TENM2: variants seen among roughly 807,000 people sequenced by gnomAD.
TENM2 encodes teneurin transmembrane protein 2, also known as teneurin-2.
In TENM2, 52 loss-of-function variants were observed where a neutral mutation model predicts 245.2. That is an observed-to-expected ratio of 0.21 (90% CI 0.17 to 0.27). The LOEUF is 0.27. TENM2 is among the 10% of genes least tolerant of loss of function. TENM2 has a pLI of 1.00. For synonymous variants in TENM2, 1,363 were observed against 1,438.9 expected (o/e 0.95, Z 1.19); for missense variants, 3,046 against 3,666.8 (o/e 0.83, Z 4.37).
chr5:167,839,119 T>C (rs1276403316), intron 2 of TENM2, among the ~76,000 whole-genome samples: 3 of 152,244 alleles, frequency 2.0e-5, no homozygotes, highest in Non-Finnish European at 2.9e-5. Context: ...AAAAATCCTT[T>C]CGTTTAACAC....
chr5:167,278,618 G>T, the TENM2 span, among the ~76,000 whole-genome samples: 2 of 152,020 alleles, frequency 1.3e-5, no homozygotes, highest in African/African-American at 4.8e-5. Context: ...TGTAGTTGCT[G>T]CATTGTACAT....
the TENM2 span, among the ~76,000 whole-genome samples, chr5:167,091,491 T>C: frequency 2.0e-5 from 3 of 152,212 alleles, no homozygotes; most frequent in South Asian, 6.2e-4. Context: ...GGCATATATA[T>C]AGTCAGGTAC....
At chr5:168,007,452 G>C (rs1276557479) in intron 5 of TENM2, among the ~76,000 whole-genome samples, 2 of 152,176 alleles carry the variant, frequency 1.3e-5, no homozygotes, top group Non-Finnish European at 2.9e-5. Flanking sequence ...TCAAAGGAGT[G>C]AGATGTGTAT....
intron 9 of TENM2, among the ~76,000 whole-genome samples, chr5:168,098,685 T>C (rs1793562927): frequency 6.6e-6 from 1 of 152,168 alleles, no homozygotes. Flanking sequence ...GCTGCACACC[T>C]TGCTTGCAAA....
chr5:167,724,673 G>A (rs78581596), intron 2 of TENM2, among the ~76,000 whole-genome samples: 5 of 152,184 alleles, frequency 3.3e-5, no homozygotes, highest in African/African-American at 9.6e-5. Context: ...TGAGTTATCA[G>A]AGAAGACTTC....
the TENM2 span, among the ~76,000 whole-genome samples, chr5:167,059,313 A>G: frequency 6.6e-6 from 1 of 152,214 alleles, no homozygotes; most frequent in Non-Finnish European, 1.5e-5. Flanking sequence ...TTTGGAATTC[A>G]TAGTGCATTG....
At chr5:167,077,719 T>C in the TENM2 span, among the ~76,000 whole-genome samples, 2 of 152,228 alleles carry the variant, frequency 1.3e-5, no homozygotes, top group Non-Finnish European at 2.9e-5. Context: ...GGATTTTGGT[T>C]TACAAACCTT....
chr5:167,014,596 A>G, the TENM2 span, among the ~76,000 whole-genome samples: 1 of 152,226 alleles, frequency 6.6e-6, no homozygotes, highest in Non-Finnish European at 1.5e-5. Flanking sequence ...ACAATGTAAT[A>G]ACTAGCAGAA....
chr5:167,826,107 A>G (rs934681226), intron 2 of TENM2, among the ~76,000 whole-genome samples: 3 of 152,246 alleles, frequency 2.0e-5, no homozygotes, highest in African/African-American at 7.2e-5. Flanking sequence ...CAAACAAACT[A>G]GCAAACAAAA....
At chr5:167,246,975 A>G in the TENM2 span, among the ~76,000 whole-genome samples, 1 of 152,138 alleles carries the variant, frequency 6.6e-6, no homozygotes, top group African/African-American at 2.4e-5. Context: ...ACCAGGATGG[A>G]AAGTATTAAA....
chr5:167,840,937 G>A (rs571576313), intron 2 of TENM2, among the ~76,000 whole-genome samples: 1 of 152,098 alleles, frequency 6.6e-6, no homozygotes, highest in South Asian at 2.1e-4. Context: ...TGCTGACAGA[G>A]ACCTTGCAAC....
In TENM2 at chr5:167,934,984, G is replaced by C. The variant is rs577299429; in HGVS notation, c.713-17604G>C. 7.8e-6 allele frequency: 7 copies of C among 897,126 alleles called. 1 individual carries two copies. In the African/African-American group the frequency reaches 1.3e-4, roughly 16 times the overall value. 55.6% of individuals were successfully genotyped at this position (897,126 alleles called of 1,614,324 possible). On this transcript the variant is annotated intron_variant, in intron 3 of 28. Coordinates refer to ENST00000518659, the Ensembl canonical transcript of TENM2. ...GGAAGCAAAGAAAGGGGGTGGGAAAGAAAACAGTAGGTGTCATTTTAGTTG... is the reference window on the plus strand; with the variant it reads ...GGAAGCAAAGAAAGGGGGTGGGAAACAAAACAGTAGGTGTCATTTTAGTTG...
intron 5 of TENM2, among the ~76,000 whole-genome samples, chr5:168,038,766 T>C (rs751528848): frequency 6.6e-6 from 1 of 152,174 alleles, no homozygotes; most frequent in Non-Finnish European, 1.5e-5. Context: ...TCCTCCCTTA[T>C]ACCTGGTTCC....
chr5:167,646,601 C>T (rs770705744), intron 2 of TENM2, among the ~76,000 whole-genome samples: 6 of 151,778 alleles, frequency 4.0e-5, no homozygotes, highest in African/African-American at 7.3e-5. Context: ...GTTGGACAAA[C>T]GCTACGGGGC....
At chr5:167,192,777 G>A in the TENM2 span, among the ~76,000 whole-genome samples, 1 of 151,948 alleles carries the variant, frequency 6.6e-6, no homozygotes, top group African/African-American at 2.4e-5. Context: ...AGATGTAATA[G>A]GAAAAAAATG....
chr5:167,187,577 GT>G, the TENM2 span, among the ~76,000 whole-genome samples: 1 of 152,116 alleles, frequency 6.6e-6, no homozygotes, highest in African/African-American at 2.4e-5. Flanking sequence ...AAGGTAAGAG[GT>G]TAGAGCTGAC....
the TENM2 span, among the ~76,000 whole-genome samples, chr5:167,127,655 A>T: frequency 6.6e-6 from 1 of 151,710 alleles, no homozygotes; most frequent in Non-Finnish European, 1.5e-5. Context: ...AAGGAAAAAA[A>T]AAAGCCACTA....
intron 2 of TENM2, among the ~76,000 whole-genome samples, chr5:167,485,873 A>G (rs1371145883): frequency 3.9e-5 from 6 of 152,144 alleles, no homozygotes; most frequent in Non-Finnish European, 7.4e-5. Context: ...CTGAAAACCT[A>G]TACAAACCTA....
At chr5:167,640,842 C>CATAGATATATATATCCATATATAT (rs1779510123) in intron 2 of TENM2, among the ~76,000 whole-genome samples, 1 of 75,488 alleles carries the variant, frequency 1.3e-5, no homozygotes, top group African/African-American at 3.9e-5. Flanking sequence ...TATATATATC[C>CATAGATATATATATCCATATATAT]ATATATATAT....
Sources: gnomAD v4.1 joint callset for allele counts (sites outside exome capture counted in the v4.1 genomes callset) on GRCh38, gnomAD v4.1.1 for gene constraint, MANE v1.5 for transcripts, NCBI Gene and HGNC (gene_info 2026-07-23, HGNC 2026-07-21) for gene names.